The following HTR2C variants were observed in gnomAD, a reference collection of about 807,000 sequenced individuals.
HTR2C encodes 5-hydroxytryptamine (serotonin) receptor 2C, G protein-coupled.
Under a neutral mutation model 21.0 loss-of-function variants are expected in HTR2C, and 5 were observed. The observed-to-expected ratio is 0.24, with a 90% confidence interval of 0.12 to 0.50. The LOEUF (loss-of-function observed/expected upper bound fraction) is 0.50. Among genes scored for constraint, HTR2C ranks in the 20% least tolerant of loss-of-function variants. HTR2C has a pLI of 0.98. For synonymous variants in HTR2C, 150 were observed against 145.3 expected, an observed-to-expected ratio of 1.03 and a Z score of -0.23; for missense variants, 271 against 371.2, an observed-to-expected ratio of 0.73 and a Z score of 2.22.
chrX:114,615,544 A>G (rs1402413848), intron 2 of HTR2C, among the ~76,000 whole-genome samples: 4 of 111,950 alleles, frequency 3.6e-5, no homozygotes, highest in Admixed American at 2.9e-4. Flanking sequence ...ACATGCAGGT[A>G]AGTTTCTACT....
intron 2 of HTR2C, among the ~76,000 whole-genome samples, chrX:114,649,762 C>T (rs782354913): frequency 8.2e-5 from 9 of 110,321 alleles, no homozygotes; most frequent in African/African-American, 2.3e-4. Context: ...ATTACAGGCA[C>T]GCATCACCAC....
chrX:114,653,734 A>T (rs1043709653), intron 2 of HTR2C, among the ~76,000 whole-genome samples: 6 of 110,512 alleles, frequency 5.4e-5, no homozygotes, highest in African/African-American at 2.0e-4. Context: ...CTAGCTACAA[A>T]CACTTTCTAT....
intron 2 of HTR2C, among the ~76,000 whole-genome samples, chrX:114,672,442 A>G (rs782523336): frequency 7.9e-4 from 88 of 111,875 alleles, no homozygotes; most frequent in Non-Finnish European, 1.4e-3. Flanking sequence ...AAATATTTCA[A>G]TATCACTCCT....
intron 1 of HTR2C, among the ~76,000 whole-genome samples, chrX:114,584,873 A>G (rs958724179): frequency 3.7e-5 from 4 of 106,880 alleles, no homozygotes; most frequent in Non-Finnish European, 5.8e-5. Flanking sequence ...GAAGGAGCAT[A>G]GAAGTCTCTA....
intron 5 of HTR2C, among the ~76,000 whole-genome samples, chrX:114,891,403 T>C (rs2071257941): frequency 9.1e-6 from 1 of 110,246 alleles, no homozygotes; most frequent in Non-Finnish European, 1.9e-5. Context: ...TTTCTTATTG[T>C]GAAGATTATT....
chrX:114,670,397 A>G (rs1238534623), intron 2 of HTR2C, among the ~76,000 whole-genome samples: 7 of 9,749 alleles, frequency 7.2e-4, no homozygotes, highest in Non-Finnish European at 1.6e-3. Flanking sequence ...TCTGTCTCAA[A>G]AAAAAAAAAA....
At chrX:114,628,865 T>C (rs1270027228) in intron 2 of HTR2C, among the ~76,000 whole-genome samples, 2 of 112,187 alleles carry the variant, frequency 1.8e-5, no homozygotes, top group Non-Finnish European at 3.8e-5. Context: ...ATTAAGGCTG[T>C]TGATATCATA....
chrX:114,760,060 T>C (rs1269106995), intron 4 of HTR2C, among the ~76,000 whole-genome samples: 1 of 111,867 alleles, frequency 8.9e-6, no homozygotes, highest in African/African-American at 3.2e-5. Flanking sequence ...CAGTCATTCA[T>C]AAGACACAGA....
At chrX:114,866,781 G>A (rs1371273504) in intron 5 of HTR2C, among the ~76,000 whole-genome samples, 1 of 110,864 alleles carries the variant, frequency 9.0e-6, no homozygotes, top group South Asian at 3.8e-4. Flanking sequence ...GGCTTATTTC[G>A]TTTCACATAA....
At chrX:114,648,493 C>G (rs1238277232) in intron 2 of HTR2C, among the ~76,000 whole-genome samples, 6 of 111,399 alleles carry the variant, frequency 5.4e-5, no homozygotes, top group Admixed American at 4.8e-4. Context: ...TTTGGGAGGC[C>G]GAGGAGGGAA....
chrX:114,882,497 A>G (rs2071189608), intron 5 of HTR2C, among the ~76,000 whole-genome samples: 1 of 110,770 alleles, frequency 9.0e-6, no homozygotes, highest in South Asian at 3.7e-4. Context: ...CCCTTTACCA[A>G]GTTGATGAGT....
At chrX:114,816,902 A>G (rs781830598) in intron 4 of HTR2C, among the ~76,000 whole-genome samples, 2 of 106,944 alleles carry the variant, frequency 1.9e-5, no homozygotes, top group African/African-American at 6.7e-5. Context: ...AGAATAATAG[A>G]ATAGAATATT....
chrX:114,747,296 T>C (rs950207072), intron 4 of HTR2C, among the ~76,000 whole-genome samples: 5 of 112,683 alleles, frequency 4.4e-5, no homozygotes, highest in Admixed American at 2.8e-4. Flanking sequence ...TGGTGAAAGA[T>C]TGAATGACTT....
chrX:114,833,724 A>T (rs1441053756), intron 4 of HTR2C, among the ~76,000 whole-genome samples: 1 of 110,471 alleles, frequency 9.1e-6, no homozygotes, highest in Admixed American at 9.6e-5. Flanking sequence ...TATTTTAGTT[A>T]TCTCTTGCCT....
In HTR2C at chrX:114,655,341, A is replaced by G. The variant is rs189501465; in HGVS notation, c.-80+41460A>G. ...ATTTCTGTTTTAAATGGTCTGGTAAACCACCTGTCTAATCTATTAGTCAAA... is the reference window on the plus strand; with the variant it reads ...ATTTCTGTTTTAAATGGTCTGGTAAGCCACCTGTCTAATCTATTAGTCAAA... On this transcript the variant is annotated intron_variant, in intron 2 of 5. Coordinates refer to ENST00000276198, the MANE Select transcript of HTR2C (RefSeq NM_000868.4). 1.1e-4 allele frequency among the ~76,000 whole-genome samples: 12 copies of G among 111,444 alleles called. No individual in the cohort carries two copies. The East Asian group carries it at 3.4e-3, about 31-fold the overall frequency.
intron 2 of HTR2C, among the ~76,000 whole-genome samples, chrX:114,722,423 A>G (rs1438422352): frequency 9.0e-6 from 1 of 110,904 alleles, no homozygotes; most frequent in South Asian, 3.9e-4. Context: ...GGCTGAGACA[A>G]TGGGGTTTTC....
chrX:114,632,875 C>A (rs1929687822), intron 2 of HTR2C, among the ~76,000 whole-genome samples: 2 of 110,165 alleles, frequency 1.8e-5, no homozygotes, highest in Admixed American at 1.9e-4. Context: ...AGGTAGGGTG[C>A]TCACGTGACC....
At chrX:114,628,405 A>ATTTTTTTTT (rs35975864) in intron 2 of HTR2C, among the ~76,000 whole-genome samples, 45 of 43,872 alleles carry the variant, frequency 1.0e-3, no homozygotes, top group South Asian at 2.8e-3. Flanking sequence ...TGCCAGGCTA[A>ATTTTTTTTT]TTTTTTTTTT....
chrX:114,682,570 T>G (rs1016933124), intron 2 of HTR2C, among the ~76,000 whole-genome samples: 1 of 111,859 alleles, frequency 8.9e-6, no homozygotes, highest in Non-Finnish European at 1.9e-5. Flanking sequence ...TTCTTTCTCT[T>G]TAAAAGTCTA....
Sources: gnomAD v4.1 joint callset for allele counts (sites outside exome capture counted in the v4.1 genomes callset) on GRCh38, gnomAD v4.1.1 for gene constraint, MANE v1.5 for transcripts, NCBI Gene and HGNC (gene_info 2026-07-23, HGNC 2026-07-21) for gene names.